Variants in PREPL observed in about 807,000 individuals in gnomAD.
PREPL encodes prolyl endopeptidase like, also known as prolyl endopeptidase-like.
A neutral mutation model predicts 70.6 loss-of-function variants in PREPL; 77 were observed. The ratio of observed to expected loss-of-function variants is 1.09; its 90% CI spans 0.91 to 1.32. The LOEUF is 1.32. Ranked by LOEUF, PREPL falls within the 40% of genes most tolerant of loss-of-function variation. The probability of loss-of-function intolerance (pLI) is 0.00; values close to 1 mark genes in which losing one functional copy is unlikely to be tolerated. For missense variants in PREPL, 1,002 were observed against 778.2 expected (o/e 1.29, Z -3.42); for synonymous variants, 315 against 264.8 (o/e 1.19, Z -1.84).
chr2:44,328,388 G>T (rs1484483072), intron 9 of PREPL, among the ~76,000 whole-genome samples: 1 of 123,356 alleles, frequency 8.1e-6, no homozygotes, highest in East Asian at 2.6e-4. Flanking sequence ...AGTGAGCCGA[G>T]ATTGTGCCAC....
rs1282560376 is a variant in PREPL, at chr2:44,317,940, AAATG to A, written c.*3412_*3415del. On this transcript the variant is annotated 3_prime_UTR_variant, in exon 14 of 14. Transcript: ENST00000409411. ...CACTAACATAAAACACAAAGAATTAAAATGAAGATATAGCAAGCAAATAATAGAA... is the reference window on the plus strand; with the variant it reads ...CACTAACATAAAACACAAAGAATTAAAAGATATAGCAAGCAAATAATAGAA... 3.9e-6 allele frequency: 1 copy of A among 253,498 alleles called. No homozygotes were observed. Among genetic ancestry groups the A allele is most frequent in the African/African-American group, 2.4e-5 (1 of 42,234 alleles). The allele number at this position is 253,498 out of a possible 1,614,324, so 15.7% of individuals were successfully genotyped here.
chr2:44,359,598 T>C (rs747495460), intron 1 of PREPL: 3 of 1,611,510 alleles, frequency 1.9e-6, no homozygotes, highest in Non-Finnish European at 2.5e-6. Flanking sequence ...AATTTTATTC[T>C]ATTGTAACAA....
intron 2 of PREPL, among the ~76,000 whole-genome samples, chr2:44,345,215 A>G (rs1377628041): frequency 6.6e-6 from 1 of 152,188 alleles, no homozygotes; most frequent in Non-Finnish European, 1.5e-5. Context: ...TCAGTGGCTT[A>G]CGTTTATTAT....
intron 5 of PREPL, 108 bp from the exon 6 acceptor site, chr2:44,339,471 A>T: frequency 2.1e-6 from 3 of 1,423,846 alleles, no homozygotes; most frequent in Non-Finnish European, 2.8e-6. Context: ...TTTATAATGC[A>T]GATAGGAAAT....
chr2:44,349,704 C>A (rs1185948640), intron 1 of PREPL, among the ~76,000 whole-genome samples: 1 of 152,116 alleles, frequency 6.6e-6, no homozygotes, highest in East Asian at 1.9e-4. Flanking sequence ...GTGGCTCACG[C>A]CTGTAATCTC....
In PREPL at chr2:44,342,432, G is replaced by A. The variant is rs374720840; in HGVS notation, c.470C>T (p.Thr157Ile). The A allele has an allele frequency of 6.2e-7, 1 of 1,611,826 alleles. No homozygotes were observed. The highest frequency in any genetic ancestry group is 1.3e-5 in the African/African-American group (1 of 74,880). Residue 157 changes from threonine (T) to isoleucine (I), a missense_variant, in exon 5 of 14, where the codon ACA (threonine) becomes ATA (isoleucine). By Grantham distance (89) the Thr-to-Ile change is moderately conservative (BLOSUM62 -1). Coordinates refer to ENST00000409411, the MANE Select transcript of PREPL (RefSeq NM_001171613.2). ...ATTCTAGTACCTTGGGTCTTTTTCT[G>A]TGTAAAAGCGTTCATTACGTTTGTT... ...GDNKRNERFY[T>I]EKDPSYFVFL...
At position 44,343,764 on chromosome 2, in the gene PREPL, G is replaced by A; in HGVS notation, c.330C>T (p.Phe110=). The change falls in exon 4 of 14, where the codon TTC becomes TTT. Residue 110 remains phenylalanine (F), a synonymous_variant. Coordinates refer to ENST00000409411, the MANE Select transcript of PREPL (RefSeq NM_001171613.2). Reference sequence around the variant, plus strand: ...GCTTACCAAAACTGGACACATTCGGGAAAGAAGCTTCCATTACGGGCTGAT... The same window carrying A: ...GCTTACCAAAACTGGACACATTCGGAAAAGAAGCTTCCATTACGGGCTGAT... ...LSDQPVMEAS[F]PNVSSFEWVK... The A allele has an allele frequency of 6.2e-7, 1 of 1,613,740 alleles. No individual in the cohort carries two copies. The highest frequency in any genetic ancestry group is 8.5e-7 in the Non-Finnish European group (1 of 1,179,682).
rs535331577 is a variant in PREPL, at chr2:44,357,025, C to G, written c.-49+4355G>C. On this transcript the variant is annotated intron_variant, in intron 1 of 13. Coordinates refer to ENST00000409411, the MANE Select transcript of PREPL (RefSeq NM_001171613.2). The stretch of plus-strand genomic sequence containing the variant: ...TTTGCCATGTTGCCAAGGCTGGTCT[C>G]GAATTCCTGAGCTCGGACAATCTGC... Among the ~76,000 whole-genome samples, 5 of 152,296 alleles carry G rather than the reference C, an allele frequency of 3.3e-5. No homozygotes were observed. In the East Asian group the frequency reaches 9.6e-4, roughly 29 times the overall value.
Position 44,318,006 on chromosome 2 carries a change from T to A in PREPL, c.*3350A>T, listed in dbSNP as rs1672573918. ...CAGCTATAGCTATAAACACAAAAAA[T>A]GAAGTTATCTTTTGACCTAATAATT... is the stretch of plus-strand genomic sequence containing the variant. On this transcript the variant is annotated 3_prime_UTR_variant, in exon 14 of 14. Transcript: ENST00000409411. 2 of 348,768 alleles carry A rather than the reference T, an allele frequency of 5.7e-6. No homozygotes were observed. Among genetic ancestry groups the A allele is most frequent in the South Asian group, 4.1e-5 (2 of 48,304 alleles). The allele number at this position is 348,768 out of a possible 1,614,324, so 21.6% of individuals were successfully genotyped here.
chr2:44,339,228 T>C lies in PREPL; in HGVS notation c.621A>G (p.Ile207Met). 1 of 1,614,106 alleles carries C rather than the reference T, an allele frequency of 6.2e-7. No individual in the cohort carries two copies. Among genetic ancestry groups the C allele is most frequent in the East Asian group, 2.2e-5 (1 of 44,884 alleles). The change falls in exon 6 of 14, where the codon ATA becomes ATG. Residue 207 changes from isoleucine (I) to methionine (M), a missense_variant. Ile to Met is a conservative substitution (Grantham distance 10). Transcript: ENST00000409411. ...GTTCAACATAGTAAAGGACCCCATGTATTCGCTTCTGGATAAGTACTGGTG... is the reference window on the plus strand; with the variant it reads ...GTTCAACATAGTAAAGGACCCCATGCATTCGCTTCTGGATAAGTACTGGTG... ...WDPPVLIQKR[I>M]HGVLYYVEHR...
chr2:44,342,184 C>A (rs1171827360), intron 5 of PREPL, among the ~76,000 whole-genome samples: 1 of 152,150 alleles, frequency 6.6e-6, no homozygotes, highest in Non-Finnish European at 1.5e-5. Context: ...TTGTAATTCA[C>A]AAAATCAATT....
chr2:44,346,202 A>T, intron 2 of PREPL, 66 bp downstream of exon 2: 1 of 1,438,832 alleles, frequency 7.0e-7, no homozygotes, highest in Non-Finnish European at 9.6e-7. Context: ...TAAATCACCA[A>T]GTATCTCATT....
chr2:44,325,653 T>G (rs1673420685), intron 10 of PREPL, among the ~76,000 whole-genome samples: 1 of 152,116 alleles, frequency 6.6e-6, no homozygotes, highest in Non-Finnish European at 1.5e-5. Flanking sequence ...TGTAAATAAT[T>G]CTGCCATTAT....
rs1192386580 is a variant in PREPL at position 44,321,608 on chromosome 2, GATTAA to G, written c.1828-168_1828-164del. 9 of 1,480,388 alleles carry G rather than the reference GATTAA, an allele frequency of 6.1e-6. No homozygotes were observed. In the African/African-American group the frequency reaches 7.1e-5, roughly 12 times the overall value. The allele number at this position is 1,480,388 out of a possible 1,614,324, so 91.7% of individuals were successfully genotyped here. A position where few individuals can be genotyped will look rare whatever the true frequency, so the allele number is the denominator to read the frequency against. On this transcript the variant is annotated intron_variant, in intron 13 of 13. Coordinates refer to ENST00000409411, the MANE Select transcript of PREPL (RefSeq NM_001171613.2). ...GAGGCAGAAGGCTTCCAACAATTAAGATTAAATTATTTTCTTTAACAGAGCTCACG... is the reference window on the plus strand; with the variant it reads ...GAGGCAGAAGGCTTCCAACAATTAAGATTATTTTCTTTAACAGAGCTCACG...
intron 2 of PREPL, among the ~76,000 whole-genome samples, chr2:44,345,731 C>A (rs1225147649): frequency 6.6e-6 from 1 of 152,158 alleles, no homozygotes; most frequent in African/African-American, 2.4e-5. Context: ...TGGTATTATA[C>A]TACTTAAAGT....
chr2:44,357,637 G>C lies in PREPL; in HGVS notation c.-49+3743C>G, dbSNP rs34771070. Among the ~76,000 whole-genome samples the C allele has an allele frequency of 9.5e-3, 1,452 of 152,330 alleles. 10 individuals are homozygous for C. The highest frequency in any genetic ancestry group is 0.015 in the South Asian group (73 of 4,828). On this transcript the variant is annotated intron_variant, in intron 1 of 13. Coordinates refer to ENST00000409411, the MANE Select transcript of PREPL (RefSeq NM_001171613.2). ...AAAAGTTGCTTCAGGAACAAATGGA[G>C]GGAAGAAATAGTCAACCTTCTGTTT...
chr2:44,343,739 G>T lies in PREPL; in HGVS notation c.349+6C>A, dbSNP rs779951265. 8.1e-6 allele frequency: 13 copies of T among 1,610,046 alleles called. No individual in the cohort carries two copies. Among genetic ancestry groups the T allele is most frequent in the Non-Finnish European group, 1.0e-5 (12 of 1,176,430 alleles). ...ACACAGAGGACTATTTTGGTTGGTGGCTTACCAAAACTGGACACATTCGGG... is the reference window on the plus strand; with the variant it reads ...ACACAGAGGACTATTTTGGTTGGTGTCTTACCAAAACTGGACACATTCGGG... On this transcript the variant is annotated splice_donor_region_variant and intron_variant, in intron 4 of 13. Coordinates refer to ENST00000409411, the MANE Select transcript of PREPL (RefSeq NM_001171613.2).
intron 10 of PREPL, among the ~76,000 whole-genome samples, chr2:44,324,471 G>T (rs1168015585): frequency 6.6e-6 from 1 of 151,994 alleles, no homozygotes. Flanking sequence ...TGACCAGTTG[G>T]ACATTTTATA....
chr2:44,336,728 A>T (rs1007109575), intron 7 of PREPL, among the ~76,000 whole-genome samples: 1 of 152,194 alleles, frequency 6.6e-6, no homozygotes, highest in Non-Finnish European at 1.5e-5. Flanking sequence ...TAAAATTTTT[A>T]AAATTAGCAA....
Sources: allele counts gnomAD v4.1 joint callset (sites outside exome capture counted in the v4.1 genomes callset), GRCh38; gene constraint gnomAD v4.1.1; transcripts MANE v1.5; gene names NCBI Gene and HGNC (gene_info 2026-07-23, HGNC 2026-07-21).